TUBA1C: variants seen among roughly 807,000 people sequenced by gnomAD.
TUBA1C encodes tubulin alpha 1c.
TUBA1C carries 16 observed loss-of-function variants against 34.9 expected under a neutral mutation model. The ratio of observed to expected loss-of-function variants is 0.46; its 90% CI spans 0.31 to 0.70. The LOEUF (loss-of-function observed/expected upper bound fraction) is 0.70, where lower values mean the gene tolerates loss of function less well. TUBA1C is among the 30% of genes least tolerant of loss of function. The pLI, the probability that TUBA1C is intolerant of heterozygous loss-of-function variation, is 0.05. For missense variants in TUBA1C, 329 were observed against 587.3 expected, an observed-to-expected ratio of 0.56 and a Z score of 4.55; for synonymous variants, 177 against 215.9, an observed-to-expected ratio of 0.82 and a Z score of 1.58.
intron 1 of TUBA1C, among the ~76,000 whole-genome samples, chr12:49,237,442 A>G (rs967347754): frequency 6.8e-6 from 1 of 147,232 alleles, no homozygotes; most frequent in Non-Finnish European, 1.5e-5. Flanking sequence ...AAAGAAAAAT[A>G]AGATAAAAAT....
chr12:49,240,128 T>C (rs1393245880), intron 1 of TUBA1C, among the ~76,000 whole-genome samples: 1 of 151,512 alleles, frequency 6.6e-6, no homozygotes, highest in African/African-American at 2.4e-5. Flanking sequence ...AGCATTATTT[T>C]TGGGGACGCC....
chr12:49,253,584 G>C (rs942792602), intron 1 of TUBA1C, among the ~76,000 whole-genome samples: 1 of 152,112 alleles, frequency 6.6e-6, no homozygotes, highest in East Asian at 1.9e-4. Flanking sequence ...GCCCAGGCTG[G>C]AGTGCAGTGG....
rs751455846 is a variant in TUBA1C, at chr12:49,269,954, T to C, written c.353T>C (p.Val118Ala). 5 of 1,614,132 alleles carry C rather than the reference T, an allele frequency of 3.1e-6. No individual in the cohort carries two copies. The highest frequency in any genetic ancestry group is 2.5e-6 in the Non-Finnish European group (3 of 1,180,058). The change falls in exon 3 of 4, where the codon GTG becomes GCG. Residue 118 changes from valine (V) to alanine (A), a missense_variant. Physicochemically the swap from Val to Ala is moderately conservative, Grantham distance 64. Coordinates refer to ENST00000301072, the MANE Select transcript of TUBA1C (RefSeq NM_032704.5). ...YTIGKEIIDL[V>A]LDRIRKLADQ... ...ATTGGCAAGGAGATCATTGACCTCGTGTTGGACCGAATTCGCAAGCTGGTA... is the reference window on the plus strand; with the variant it reads ...ATTGGCAAGGAGATCATTGACCTCGCGTTGGACCGAATTCGCAAGCTGGTA...
intron 1 of TUBA1C, among the ~76,000 whole-genome samples, chr12:49,235,910 G>T (rs569899980): frequency 8.5e-5 from 13 of 152,248 alleles, no homozygotes; most frequent in African/African-American, 3.1e-4. Context: ...TCCTCCACCG[G>T]CCCACGGGCA....
At chr12:49,270,896 G>A (rs1047277409) in intron 3 of TUBA1C, among the ~76,000 whole-genome samples, 13 of 152,198 alleles carry the variant, frequency 8.5e-5, no homozygotes, top group East Asian at 5.8e-4. Flanking sequence ...GGAGAATGGC[G>A]TGAACACGGG....
chr12:49,234,715 T>G (rs556244608), intron 1 of TUBA1C, among the ~76,000 whole-genome samples: 1 of 152,264 alleles, frequency 6.6e-6, no homozygotes, highest in East Asian at 1.9e-4. Flanking sequence ...AGAAGCGGCC[T>G]TTCTTCACAT....
At chr12:49,265,064 G>C (rs770929150), upstream of TUBA1C, 5 of 1,360,066 alleles carry the variant, frequency 3.7e-6, no homozygotes, top group Non-Finnish European at 1.9e-6. Context: ...AAGGCCCTTC[G>C]GGGCCGGCCA....
chr12:49,256,758 G>T (rs12309028), intron 1 of TUBA1C, among the ~76,000 whole-genome samples: 2,339 of 152,282 alleles, frequency 0.015, 55 homozygotes, highest in African/African-American at 0.053. Context: ...CCCTGTTCCA[G>T]CCTCCTTCCT....
rs1481422409 is a variant in TUBA1C, at chr12:49,272,642, C to T, written c.765C>T (p.Phe255=). ...DGALNVDLTE[F]QTNLVPYPRI... is the part of the protein sequence containing the mutation. ...CCCTGAATGTTGACCTGACAGAATT[C>T]CAGACCAACCTGGTGCCCTACCCCC... is the stretch of plus-strand genomic sequence containing the variant. The change falls in exon 4 of 4, where the codon TTC becomes TTT. Residue 255 remains phenylalanine (F), a synonymous_variant. Transcript: ENST00000301072. 44 of 1,609,562 alleles carry T rather than the reference C, an allele frequency of 2.7e-5. No individual in the cohort carries two copies. The highest frequency in any genetic ancestry group is 3.3e-5 in the Non-Finnish European group (39 of 1,178,658).
At chr12:49,251,008 A>T (rs894972614) in intron 1 of TUBA1C, among the ~76,000 whole-genome samples, 5 of 152,150 alleles carry the variant, frequency 3.3e-5, no homozygotes, top group Non-Finnish European at 7.4e-5. Flanking sequence ...GGAGTTCAAG[A>T]CCAGCCTGGG....
At chr12:49,244,570 T>C (rs1421808839) in intron 1 of TUBA1C, among the ~76,000 whole-genome samples, 2 of 152,150 alleles carry the variant, frequency 1.3e-5, no homozygotes, top group Non-Finnish European at 2.9e-5. Context: ...AGGTATTTTT[T>C]TTTTTCTTTT....
Position 49,240,079 on chromosome 12 carries a change from C to T in TUBA1C, c.213+11913C>T, listed in dbSNP as rs1378151244. Among the ~76,000 whole-genome samples, 15 of 149,700 alleles carry T rather than the reference C, an allele frequency of 1.0e-4. No homozygotes were observed. The Admixed American group carries it at 1.0e-3, about 10-fold the overall frequency. On this transcript the variant is annotated intron_variant, in intron 1 of 3. Coordinates refer to the TUBA1C transcript ENST00000541364. Reference sequence around the variant, plus strand: ...ACACACACACACACACACACACACCCTGCCTTTTTCCTCACAGACATCCCA... The same window carrying T: ...ACACACACACACACACACACACACCTTGCCTTTTTCCTCACAGACATCCCA...
upstream of TUBA1C, among the ~76,000 whole-genome samples, chr12:49,260,600 ATAAAAGT>A (rs1942831748): frequency 6.6e-6 from 1 of 152,262 alleles, no homozygotes; most frequent in Non-Finnish European, 1.5e-5. Context: ...AGAGAAATAA[ATAAAAGT>A]TAAAGGATCC....
chr12:49,271,589 G>C (rs1213417329), intron 3 of TUBA1C, among the ~76,000 whole-genome samples: 1 of 152,156 alleles, frequency 6.6e-6, no homozygotes, highest in East Asian at 1.9e-4. Context: ...AAATGAATGT[G>C]GTCATACAGT....
chr12:49,259,256 G>A (rs575241122), intron 1 of TUBA1C, among the ~76,000 whole-genome samples: 1 of 149,518 alleles, frequency 6.7e-6, no homozygotes, highest in Admixed American at 6.7e-5. Flanking sequence ...TTTTTGAGAC[G>A]GAGTCTCACT....
intron 1 of TUBA1C, among the ~76,000 whole-genome samples, chr12:49,252,147 A>T (rs1230546205): frequency 6.6e-6 from 1 of 152,202 alleles, no homozygotes; most frequent in Admixed American, 6.6e-5. Context: ...ATATAGATTA[A>T]ACTCCAGAAT....
At chr12:49,240,644 G>A (rs2136993010) in intron 1 of TUBA1C, among the ~76,000 whole-genome samples, 1 of 152,288 alleles carries the variant, frequency 6.6e-6, no homozygotes, top group East Asian at 1.9e-4. Flanking sequence ...CTCGAGTGCA[G>A]TGGTGCGAAC....
intron 3 of TUBA1C, among the ~76,000 whole-genome samples, chr12:49,270,947 C>G (rs1942983811): frequency 6.6e-6 from 1 of 152,066 alleles, no homozygotes; most frequent in Admixed American, 6.6e-5. Context: ...CCACTGCACT[C>G]CAGCCTGGGC....
At chr12:49,235,591 T>C (rs1228235416) in intron 1 of TUBA1C, among the ~76,000 whole-genome samples, 1 of 152,022 alleles carries the variant, frequency 6.6e-6, no homozygotes, top group East Asian at 1.9e-4. Context: ...AAAGAGTAGC[T>C]GGGCCTGGTG....
Sources: gnomAD v4.1 joint callset for allele counts (sites outside exome capture counted in the v4.1 genomes callset) on GRCh38, gnomAD v4.1.1 for gene constraint, MANE v1.5 for transcripts, NCBI Gene and HGNC (gene_info 2026-07-23, HGNC 2026-07-21) for gene names.